Variants in IREB2 observed in about 807,000 individuals in gnomAD.
IREB2 encodes the protein iron responsive element binding protein 2, also known as iron-responsive element-binding protein 2.
IREB2 carries 39 observed loss-of-function variants against 118.8 expected under a neutral mutation model. That is an observed-to-expected ratio of 0.33 (90% CI 0.25 to 0.43). The LOEUF (loss-of-function observed/expected upper bound fraction) is 0.43. IREB2 is among the 20% of genes least tolerant of loss of function. The probability of loss-of-function intolerance (pLI) is 1.00; values close to 1 mark genes in which losing one functional copy is unlikely to be tolerated. For synonymous variants in IREB2, 372 were observed against 392.2 expected (o/e 0.95, Z 0.61); for missense variants, 900 against 1,147.3 (o/e 0.78, Z 3.11).
intron 5 of IREB2, among the ~76,000 whole-genome samples, chr15:78,468,673 C>T (rs954470182): frequency 6.6e-6 from 1 of 151,910 alleles, no homozygotes; most frequent in Admixed American, 6.6e-5. Context: ...TACGTTAATT[C>T]CTTTGTCCCT....
intron 2 of IREB2, among the ~76,000 whole-genome samples, chr15:78,442,751 G>A (rs767031449): frequency 1.6e-4 from 24 of 152,146 alleles, no homozygotes; most frequent in Non-Finnish European, 2.6e-4. Context: ...ATCTAGGCTC[G>A]TCCTTTCTTC....
rs2051279001 is a variant in IREB2 at position 78,466,204 on chromosome 15, T to C, written c.411-67T>C. 3 of 1,070,344 alleles carry C rather than the reference T, an allele frequency of 2.8e-6. No homozygotes were observed. The African/African-American group carries it at 4.7e-5, about 17-fold the overall frequency. 66.3% of individuals were successfully genotyped at this position (1,070,344 alleles called of 1,614,324 possible). A position where few individuals can be genotyped will look rare whatever the true frequency, so the allele number is the denominator to read the frequency against. ...CCAGATAGCGTTGCTAATGTGCGTT[T>C]TTTTTTAAGAGCTAAATTTGTGTCC... On this transcript the variant is annotated intron_variant, in intron 4 of 21. Coordinates refer to ENST00000258886, the MANE Select transcript of IREB2 (RefSeq NM_004136.4).
intron 21 of IREB2, 68 bp downstream of exon 21, chr15:78,497,379 A>G: frequency 1.8e-6 from 2 of 1,125,602 alleles, no homozygotes; most frequent in Middle Eastern, 2.2e-4. Context: ...ATAAGAATCA[A>G]TTGCTGTAAA....
chr15:78,454,710 T>G lies in IREB2; in HGVS notation c.107-8212T>G, dbSNP rs953181731. On this transcript the variant is annotated intron_variant, in intron 2 of 21. Coordinates refer to ENST00000258886, the MANE Select transcript of IREB2 (RefSeq NM_004136.4). ...CTTAGGACTTGTTTTATTATTTATT[T>G]AGAGACAGGGTCTTACTCTGTCGCC... is the stretch of plus-strand genomic sequence containing the variant. Among the ~76,000 whole-genome samples, 153 of 152,226 alleles carry G rather than the reference T, an allele frequency of 1.0e-3. 1 individual carries two copies. The highest frequency in any genetic ancestry group is 1.5e-3 in the Non-Finnish European group (100 of 68,038).
chr15:78,495,948 C>T (rs1421400447), intron 20 of IREB2, among the ~76,000 whole-genome samples: 1 of 152,186 alleles, frequency 6.6e-6, no homozygotes, highest in African/African-American at 2.4e-5. Context: ...GCCTTTGGCT[C>T]ATTTTTTCCA....
At chr15:78,454,664 T>C (rs1164561158) in intron 2 of IREB2, among the ~76,000 whole-genome samples, 3 of 152,222 alleles carry the variant, frequency 2.0e-5, no homozygotes, top group African/African-American at 4.8e-5. Context: ...TTATAAGATA[T>C]ATACAATATG....
intron 7 of IREB2, 116 bp downstream of exon 7, chr15:78,472,040 C>A: frequency 1.4e-6 from 1 of 693,024 alleles, no homozygotes. Context: ...TGTTTTTCAT[C>A]TGTAATAACA....
In IREB2 at chr15:78,438,273, C is replaced by A. The variant is rs1230576338; in HGVS notation, c.-65C>A. ...CCGCCTGTCTTCCTCCCCGTCTTCC[C>A]TGCCCGGCCTCCCCCTTCTTCCCCC... On this transcript the variant is annotated 5_prime_UTR_variant, in exon 1 of 22. It adds an upstream start codon to the 5' untranslated region. Transcript: ENST00000258886. 2.1e-5 allele frequency: 28 copies of A among 1,317,688 alleles called. No homozygotes were observed. Among genetic ancestry groups the A allele is most frequent in the Non-Finnish European group, 2.8e-5 (26 of 931,336 alleles). 81.6% of individuals were successfully genotyped at this position (1,317,688 alleles called of 1,614,324 possible).
chr15:78,500,102 G>A lies in IREB2; in HGVS notation c.*1959G>A, dbSNP rs2051914903. The stretch of plus-strand genomic sequence containing the variant: ...CTTGACCTCGTGATCCGCCCGCCTT[G>A]GCCTCCACAAGTGCTGGGATTACAG... On this transcript the variant is annotated 3_prime_UTR_variant, in exon 22 of 22. Coordinates refer to ENST00000258886, the MANE Select transcript of IREB2 (RefSeq NM_004136.4). 6.6e-6 allele frequency: 1 copy of A among 152,330 alleles called. No homozygotes were observed. 9.4% of individuals were successfully genotyped at this position (152,330 alleles called of 1,614,324 possible).
At chr15:78,470,673 G>GTTTCTT (rs1187149015) in intron 6 of IREB2, 72 bp downstream of exon 6, 3 of 328,912 alleles carry the variant, frequency 9.1e-6, no homozygotes, top group Admixed American at 5.1e-5. Flanking sequence ...TTATATCTTT[G>GTTTCTT]TTTCTTTTTC....
chr15:78,492,250 C>A (rs1330239523), intron 18 of IREB2, among the ~76,000 whole-genome samples: 1 of 152,104 alleles, frequency 6.6e-6, no homozygotes, highest in Non-Finnish European at 1.5e-5. Flanking sequence ...TAGCAATACC[C>A]CCCGCACCCA....
rs551851024 is a variant in IREB2 at position 78,469,137 on chromosome 15, T to G, written c.630-1395T>G. 3.9e-4 allele frequency among the ~76,000 whole-genome samples: 59 copies of G among 152,334 alleles called. 1 individual carries two copies. In the South Asian group the frequency reaches 0.012, roughly 31 times the overall value. ...GGCTATGTGATAATAGTTACTCATT[T>G]GTATCTTTTAATGTGTCAGTGAAGT... On this transcript the variant is annotated intron_variant, in intron 5 of 21. Coordinates refer to ENST00000258886, the MANE Select transcript of IREB2 (RefSeq NM_004136.4).
chr15:78,478,081 TAAAAA>T (rs531329014), intron 9 of IREB2, among the ~76,000 whole-genome samples: 1 of 126,562 alleles, frequency 7.9e-6, no homozygotes, highest in African/African-American at 2.9e-5. Context: ...AAAACATTTG[TAAAAA>T]AAAAAAAAAA....
At chr15:78,478,763 C>G (rs778403352) in intron 10 of IREB2, among the ~76,000 whole-genome samples, 8 of 152,222 alleles carry the variant, frequency 5.3e-5, no homozygotes, top group South Asian at 2.1e-4. Context: ...GGGTTTGAAT[C>G]CCAGCTCTAA....
chr15:78,494,122 G>A lies in IREB2; in HGVS notation c.2473-20G>A, dbSNP rs777241655. On this transcript the variant is annotated intron_variant, in intron 19 of 21. Transcript: ENST00000258886. ...ATCAAAATTTGTATTAAAAAATTTT[G>A]TGTTTGTTTTAATCTACAGCTAGAT... The A allele has an allele frequency of 1.6e-5, 25 of 1,612,608 alleles. No homozygotes were observed. The highest frequency in any genetic ancestry group is 2.7e-5 in the African/African-American group (2 of 74,706).
At chr15:78,479,204 C>T (rs11072766) in intron 10 of IREB2, among the ~76,000 whole-genome samples, 35,379 of 151,938 alleles carry the variant, frequency 0.23, 4,342 homozygotes, top group Admixed American at 0.35. Flanking sequence ...AGGGGATTCT[C>T]TAGTCTTGGC....
chr15:78,453,789 G>C (rs1011873191), intron 2 of IREB2, among the ~76,000 whole-genome samples: 6 of 152,174 alleles, frequency 3.9e-5, no homozygotes, highest in African/African-American at 1.4e-4. Context: ...ATTTTAAGGA[G>C]AGTGGATGAA....
chr15:78,497,968 C>A, intron 21 of IREB2, 65 bp from the exon 22 acceptor site: 1 of 869,648 alleles, frequency 1.1e-6, no homozygotes, highest in South Asian at 1.4e-5. Context: ...GACAAATGGT[C>A]TTAACCATCA....
intron 20 of IREB2, among the ~76,000 whole-genome samples, chr15:78,494,937 A>G (rs1194736046): frequency 6.6e-6 from 1 of 152,166 alleles, no homozygotes; most frequent in Non-Finnish European, 1.5e-5. Context: ...TCAGTGGGTA[A>G]AAGACTCAGA....
Sources: allele counts gnomAD v4.1 joint callset (sites outside exome capture counted in the v4.1 genomes callset), GRCh38; gene constraint gnomAD v4.1.1; transcripts MANE v1.5; gene names NCBI Gene and HGNC (gene_info 2026-07-23, HGNC 2026-07-21).